RANBP1: variants seen among roughly 807,000 people sequenced by gnomAD.
RANBP1 encodes the protein ran-specific GTPase-activating protein.
A neutral mutation model predicts 31.4 loss-of-function variants in RANBP1; 16 were observed. The ratio of observed to expected loss-of-function variants is 0.51; its 90% CI spans 0.34 to 0.77. The LOEUF (loss-of-function observed/expected upper bound fraction) is 0.77. Ranked by LOEUF, RANBP1 falls within the 30% of genes least tolerant of loss-of-function variation. The pLI, the probability that RANBP1 is intolerant of heterozygous loss-of-function variation, is 0.01. For missense variants in RANBP1, 265 were observed against 362.0 expected (o/e 0.73, Z 2.17); for synonymous variants, 129 against 140.5 (o/e 0.92, Z 0.58).
At chr22:20,119,844 A>G (rs543465068) in intron 2 of RANBP1, among the ~76,000 whole-genome samples, 17 of 152,352 alleles carry the variant, frequency 1.1e-4, no homozygotes, top group African/African-American at 3.6e-4. Context: ...GATGCTTGCG[A>G]TAACACATGA....
chr22:20,121,826 C>T (rs1177341617), intron 2 of RANBP1, among the ~76,000 whole-genome samples: 1 of 138,634 alleles, frequency 7.2e-6, no homozygotes, highest in Non-Finnish European at 1.6e-5. Context: ...GTATCCTCTG[C>T]CTCCTGGGCT....
rs762165991 is a variant in RANBP1 at position 20,122,251 on chromosome 22, G to T, written c.384-13G>T. 7.4e-6 allele frequency: 12 copies of T among 1,611,862 alleles called. No individual in the cohort carries two copies. Among genetic ancestry groups the T allele is most frequent in the Middle Eastern group, 1.7e-4 (1 of 6,024 alleles). On this transcript the variant is annotated splice_polypyrimidine_tract_variant and intron_variant, in intron 2 of 5. Coordinates refer to ENST00000430524, the MANE Select transcript of RANBP1 (RefSeq NM_001278639.2). ...GCAGGTCTGCACTCTTAACCTCACG[G>T]CTTTTCTTGCAGGCGGGCAAAACTG...
At chr22:20,118,961 G>A (rs973948997) in intron 1 of RANBP1, 52 bp from the exon 2 acceptor site, 19 of 1,587,940 alleles carry the variant, frequency 1.2e-5, no homozygotes, top group Non-Finnish European at 1.5e-5. Context: ...TTGGGCTCTG[G>A]TTGTGAGCCA....
At chr22:20,126,541 C>T (rs1222216668) in intron 5 of RANBP1, 173 bp downstream of exon 5, 19 of 1,572,950 alleles carry the variant, frequency 1.2e-5, no homozygotes, top group Non-Finnish European at 1.6e-5. Flanking sequence ...CCTGGGGAGC[C>T]CTGAGCACTT....
intron 1 of RANBP1, chr22:20,117,112 C>T: frequency 2.9e-6 from 2 of 683,884 alleles, no homozygotes; most frequent in Non-Finnish European, 4.8e-6. Flanking sequence ...ATGCTCAGGT[C>T]CGGGTCTCAG....
In RANBP1 at chr22:20,127,043, G is replaced by A. The variant is rs1477036218; in HGVS notation, c.828G>A (p.Glu276=). ...VKEETKEDAE[E]KQ is the part of the protein sequence containing the mutation. ...AGGAGACCAAGGAGGATGCTGAGGA[G>A]AAGCAATAAATCGTCTTATTTTATT... The change falls in exon 6 of 6, where the codon GAG becomes GAA. Residue 276 remains glutamate (E), a synonymous_variant. Coordinates refer to ENST00000430524, the MANE Select transcript of RANBP1 (RefSeq NM_001278639.2). 3.1e-6 allele frequency: 5 copies of A among 1,608,290 alleles called. No individual in the cohort carries two copies. The highest frequency in any genetic ancestry group is 4.2e-6 in the Non-Finnish European group (5 of 1,177,890).
intron 1 of RANBP1, chr22:20,117,974 C>T (rs947844100): frequency 3.0e-6 from 3 of 1,002,106 alleles, no homozygotes; most frequent in African/African-American, 3.5e-5. Context: ...CTGGTGCGGG[C>T]GGCGGGTTTC....
At chr22:20,126,420 T>C in intron 5 of RANBP1, 52 bp downstream of exon 5, 1 of 1,613,294 alleles carries the variant, frequency 6.2e-7, no homozygotes, top group Non-Finnish European at 8.5e-7. Context: ...ACTCTGCATC[T>C]GACTATACTT....
chr22:20,118,429 G>C, intron 1 of RANBP1: 1 of 878,146 alleles, frequency 1.1e-6, no homozygotes, highest in Non-Finnish European at 1.4e-6. Context: ...TATTAACTTA[G>C]TTTTCTGAAC....
rs769526875 is a variant in RANBP1, at chr22:20,116,622, G to A, written c.246+192G>A. 1.3e-5 allele frequency: 20 copies of A among 1,529,364 alleles called. No individual in the cohort carries two copies. The South Asian group carries it at 2.0e-4, about 15-fold the overall frequency. 94.7% of individuals were successfully genotyped at this position (1,529,364 alleles called of 1,614,324 possible). A position where few individuals can be genotyped will look rare whatever the true frequency, so the allele number is the denominator to read the frequency against. ...CCATGGGCTTCGGGCCCTGTGTGGGGACAGATGGGGTGCTAGGGTGAGGAC... is the reference window on the plus strand; with the variant it reads ...CCATGGGCTTCGGGCCCTGTGTGGGAACAGATGGGGTGCTAGGGTGAGGAC... On this transcript the variant is annotated intron_variant, in intron 1 of 5. Coordinates refer to ENST00000430524, the MANE Select transcript of RANBP1 (RefSeq NM_001278639.2).
intron 1 of RANBP1, chr22:20,117,713 C>G (rs1198493707): frequency 1.1e-5 from 12 of 1,104,164 alleles, no homozygotes; most frequent in Non-Finnish European, 1.3e-5. Context: ...GGGCCGGGGC[C>G]GTTATCAGCG....
intron 4 of RANBP1, 109 bp downstream of exon 4, chr22:20,125,545 C>G (rs1568985195): frequency 6.5e-7 from 1 of 1,539,816 alleles, no homozygotes; most frequent in Non-Finnish European, 8.7e-7. Context: ...GGGGCAGTAA[C>G]TGGGAAGTGT....
intron 1 of RANBP1, among the ~76,000 whole-genome samples, chr22:20,118,473 G>A (rs536199553): frequency 6.6e-6 from 1 of 152,352 alleles, no homozygotes; most frequent in South Asian, 2.1e-4. Flanking sequence ...TGTGAATCCA[G>A]TGTAAATACT....
chr22:20,121,480 G>T (rs1320328486), intron 2 of RANBP1, among the ~76,000 whole-genome samples: 2 of 151,918 alleles, frequency 1.3e-5, no homozygotes, highest in African/African-American at 4.8e-5. Context: ...AACTCCCGAC[G>T]TCAGGTGATC....
chr22:20,119,793 G>A (rs889718370), intron 2 of RANBP1, among the ~76,000 whole-genome samples: 7 of 152,316 alleles, frequency 4.6e-5, no homozygotes, highest in African/African-American at 1.7e-4. Context: ...GGGATTACAG[G>A]CGTCAGCTAC....
chr22:20,127,084 TC>T lies in RANBP1; in HGVS notation c.*34del, dbSNP rs1416219831. 6.4e-7 allele frequency: 1 copy of T among 1,556,204 alleles called. No homozygotes were observed. The highest frequency in any genetic ancestry group is 1.4e-5 in the African/African-American group (1 of 71,908). On this transcript the variant is annotated 3_prime_UTR_variant, in exon 6 of 6. Transcript: ENST00000430524. ...TTATTTTATTTTCTTTTCCTCTCTT[TC>T]CTTTCCTTTTTTTAAAAAATTTTAC...
chr22:20,117,166 G>C, intron 1 of RANBP1: 1 of 548,008 alleles, frequency 1.8e-6, no homozygotes, highest in Non-Finnish European at 3.1e-6. Context: ...CGCGCCGGCC[G>C]CTCGCTTCGC....
At chr22:20,117,742 G>A in intron 1 of RANBP1, 1 of 1,086,870 alleles carries the variant, frequency 9.2e-7, no homozygotes, top group South Asian at 4.4e-5. Flanking sequence ...GGCGGCCCGC[G>A]CCGCCGCCAC....
At chr22:20,125,853 A>C (rs1002155247) in intron 4 of RANBP1, among the ~76,000 whole-genome samples, 4 of 152,232 alleles carry the variant, frequency 2.6e-5, no homozygotes, top group African/African-American at 4.8e-5. Flanking sequence ...GGCTGGGCAG[A>C]GAGATCCACA....
Sources: allele counts gnomAD v4.1 joint callset (sites outside exome capture counted in the v4.1 genomes callset), GRCh38; gene constraint gnomAD v4.1.1; transcripts MANE v1.5; gene names NCBI Gene and HGNC (gene_info 2026-07-23, HGNC 2026-07-21).